The following RBM6 variants were observed in gnomAD, a reference collection of about 807,000 sequenced individuals.
RBM6 encodes RNA-binding protein 6.
RBM6 carries 23 observed loss-of-function variants against 140.4 expected under a neutral mutation model. That is an observed-to-expected ratio of 0.16 (90% CI 0.12 to 0.23). The LOEUF (loss-of-function observed/expected upper bound fraction) is 0.23, where lower values mean the gene tolerates loss of function less well. RBM6 is among the 10% of genes least tolerant of loss of function. The pLI, the probability that RBM6 is intolerant of heterozygous loss-of-function variation, is 1.00. For missense variants in RBM6, 1,139 were observed against 1,386.7 expected, an observed-to-expected ratio of 0.82 and a Z score of 2.84; for synonymous variants, 439 against 475.6, an observed-to-expected ratio of 0.92 and a Z score of 1.00.
chr3:50,003,711 C>T (rs897528222), intron 6 of RBM6, among the ~76,000 whole-genome samples: 1 of 152,204 alleles, frequency 6.6e-6, no homozygotes. Flanking sequence ...TGCAGCAGTA[C>T]TGAGCTTTGT....
rs759931828 is a variant in RBM6, at chr3:50,068,815, T to C, written c.3018+51T>C. The C allele has an allele frequency of 1.6e-5, 24 of 1,508,506 alleles. No homozygotes were observed. The South Asian group carries it at 2.7e-4, about 17-fold the overall frequency. The allele number at this position is 1,508,506 out of a possible 1,614,324, so 93.4% of individuals were successfully genotyped here. A position where few individuals can be genotyped will look rare whatever the true frequency, so the allele number is the denominator to read the frequency against. On this transcript the variant is annotated intron_variant, in intron 18 of 20. Coordinates refer to ENST00000266022, the MANE Select transcript of RBM6 (RefSeq NM_005777.3). ...CTTGACCTCAGCTCTTTTTGCTTTC[T>C]GATATAGACTTCATAGGCTGTGCTG...
chr3:49,967,593 T>A lies in RBM6; in HGVS notation c.168T>A (p.Asp56Glu). Residue 56 changes from aspartate to glutamate, a missense_variant, in exon 3 of 21, where the codon GAT (aspartate) becomes GAA (glutamate). Transcript: ENST00000266022. This position sits in a 1 kb window ranked among gnomAD's most constrained non-coding sequence, Gnocchi z 4.0. ...CTGGCAGAGATTCACTTCCCTTTGATTTCCAGGGGCATTCGGGGCCTCCTT... is the reference window on the plus strand; with the variant it reads ...CTGGCAGAGATTCACTTCCCTTTGAATTCCAGGGGCATTCGGGGCCTCCTT... ...NFPGRDSLPF[D>E]FQGHSGPPFA... The A allele has an allele frequency of 1.2e-6, 2 of 1,614,152 alleles. No homozygotes were observed. Among genetic ancestry groups the A allele is most frequent in the Non-Finnish European group, 1.7e-6 (2 of 1,180,026 alleles).
intron 6 of RBM6, among the ~76,000 whole-genome samples, chr3:50,036,842 C>T (rs1559615389): frequency 2.0e-5 from 3 of 152,124 alleles, no homozygotes; most frequent in South Asian, 2.1e-4. Flanking sequence ...AGTGCAGTGG[C>T]GCGATCTTGG....
chr3:49,997,043 T>C (rs2086116860), intron 5 of RBM6, among the ~76,000 whole-genome samples: 2 of 152,226 alleles, frequency 1.3e-5, no homozygotes, highest in South Asian at 4.1e-4. Context: ...ATATACAAAG[T>C]ATTTAGAATA....
chr3:50,068,826 T>G, intron 18 of RBM6, 62 bp downstream of exon 18: 1 of 1,450,302 alleles, frequency 6.9e-7, no homozygotes, highest in East Asian at 2.3e-5. Flanking sequence ...GATATAGACT[T>G]CATAGGCTGT....
At chr3:50,007,677 C>T (rs941842235) in intron 6 of RBM6, among the ~76,000 whole-genome samples, 2 of 151,970 alleles carry the variant, frequency 1.3e-5, no homozygotes, top group Non-Finnish European at 2.9e-5. Flanking sequence ...GGACTACAGG[C>T]GCCTGCCACC....
chr3:49,948,843 T>C (rs1343197769), intron 1 of RBM6, among the ~76,000 whole-genome samples: 2 of 145,166 alleles, frequency 1.4e-5, no homozygotes. Context: ...TTTTTTTTTT[T>C]TTTTTGGGAT....
chr3:49,949,873 C>T (rs2083658335), intron 1 of RBM6, among the ~76,000 whole-genome samples: 1 of 151,968 alleles, frequency 6.6e-6, no homozygotes, highest in Non-Finnish European at 1.5e-5. Flanking sequence ...CAGGTGTATA[C>T]CACCACGCTC....
intron 4 of RBM6, among the ~76,000 whole-genome samples, chr3:49,972,808 A>G (rs2084861925): frequency 6.6e-6 from 1 of 152,192 alleles, no homozygotes; most frequent in African/African-American, 2.4e-5. Context: ...TCTGAAGAAA[A>G]CTAAAGTACA....
rs2088834802 is a variant in RBM6 at position 50,040,471 on chromosome 3, A to AAAAT, written c.1558-7773_1558-7772insAATA. ...AAAAAAAAAAAAAAAAAAAAAAAAA[A>AAAAT]ATATATATATATATATATATATACA... On this transcript the variant is annotated intron_variant, in intron 6 of 20. Coordinates refer to ENST00000266022, the MANE Select transcript of RBM6 (RefSeq NM_005777.3). Among the ~76,000 whole-genome samples the AAAAT allele has an allele frequency of 9.0e-5, 3 of 33,514 alleles. 1 individual carries two copies. Among genetic ancestry groups the AAAAT allele is most frequent in the African/African-American group, 2.8e-4 (3 of 10,746 alleles). The allele number at this position is 33,514 out of a possible 152,430, so 22.0% of individuals were successfully genotyped here. A position where few individuals can be genotyped will look rare whatever the true frequency, so the allele number is the denominator to read the frequency against.
intron 7 of RBM6, among the ~76,000 whole-genome samples, chr3:50,052,133 C>T (rs1023237102): frequency 6.6e-6 from 1 of 152,158 alleles, no homozygotes; most frequent in African/African-American, 2.4e-5. Flanking sequence ...GGCACAATCT[C>T]GGCTCACGAC....
chr3:50,066,630 C>A (rs2090131537), intron 17 of RBM6, 128 bp downstream of exon 17: 1 of 1,196,478 alleles, frequency 8.4e-7, no homozygotes, highest in Admixed American at 2.3e-5. Context: ...AAGTACAAGA[C>A]CAGTCTGGGC....
At chr3:50,047,450 A>G in intron 6 of RBM6, 1 of 580,484 alleles carries the variant, frequency 1.7e-6, no homozygotes, top group Non-Finnish European at 2.2e-6. Flanking sequence ...AATGTGAAAT[A>G]GAATTCATGA....
In RBM6 at chr3:49,968,030, A is replaced by G. The variant is rs201237350; in HGVS notation, c.605A>G (p.Asp202Gly). 162 of 1,613,988 alleles carry G rather than the reference A, an allele frequency of 1.0e-4. No homozygotes were observed. Among genetic ancestry groups the G allele is most frequent in the Middle Eastern group, 8.2e-4 (5 of 6,084 alleles). The change falls in exon 3 of 21, where the codon GAT becomes GGT. Residue 202 changes from aspartate (D) to glycine (G), a missense_variant. This residue lies in a region of RBM6 where 566 missense variants were observed against 612.7 expected (regional missense o/e 0.92). Transcript: ENST00000266022. ...HADFRGRDLS[D>G]LDFRAREQSR... is the part of the protein sequence containing the mutation. ...GATTTTAGGGGAAGGGATTTATCAG[A>G]TTTGGATTTTAGGGCCAGAGAACAG...
intron 1 of RBM6, among the ~76,000 whole-genome samples, chr3:49,953,194 C>T (rs1163579323): frequency 6.6e-6 from 1 of 150,710 alleles, no homozygotes; most frequent in East Asian, 1.9e-4. Context: ...TAACTGGGAC[C>T]TTAGGGGCGT....
chr3:49,962,748 C>A, intron 2 of RBM6, 63 bp downstream of exon 2: 1 of 1,365,400 alleles, frequency 7.3e-7, no homozygotes, highest in Non-Finnish European at 1.0e-6. Context: ...GTAACATTTT[C>A]GCCTACTATA....
intron 5 of RBM6, among the ~76,000 whole-genome samples, chr3:49,981,913 A>C (rs887162654): frequency 6.6e-6 from 1 of 152,232 alleles, no homozygotes; most frequent in Non-Finnish European, 1.5e-5. Flanking sequence ...CATTTAAGCA[A>C]AAATGATACA....
At chr3:50,004,755 A>G (rs1474549325) in intron 6 of RBM6, among the ~76,000 whole-genome samples, 3 of 151,926 alleles carry the variant, frequency 2.0e-5, no homozygotes, top group Non-Finnish European at 4.4e-5. Context: ...GAGTAGCTGG[A>G]CTACAGGCAC....
chr3:50,050,329 T>C (rs1002485043), intron 7 of RBM6, among the ~76,000 whole-genome samples: 1 of 152,222 alleles, frequency 6.6e-6, no homozygotes, highest in Non-Finnish European at 1.5e-5. Flanking sequence ...ATGTAAACTT[T>C]TCTGTTGGCC....
Sources: gnomAD v4.1 joint callset for allele counts (sites outside exome capture counted in the v4.1 genomes callset) on GRCh38, gnomAD v4.1.1 for gene constraint, gnomAD v4.1.1 regional missense constraint, Gnocchi (gnomAD v3.1) non-coding constraint, MANE v1.5 for transcripts, NCBI Gene and HGNC (gene_info 2026-07-23, HGNC 2026-07-21) for gene names.